The following LHFPL6 variants were observed in gnomAD, a reference collection of about 807,000 sequenced individuals.
LHFPL6 encodes the protein LHFPL tetraspan subfamily member 6 protein.
Under a neutral mutation model 20.6 loss-of-function variants are expected in LHFPL6, and 9 were observed. The ratio of observed to expected loss-of-function variants is 0.44; its 90% CI spans 0.26 to 0.76. The LOEUF (loss-of-function observed/expected upper bound fraction) is 0.76, where lower values mean the gene tolerates loss of function less well. Ranked by LOEUF, LHFPL6 falls within the 30% of genes least tolerant of loss-of-function variation. LHFPL6 has a pLI of 0.20. For synonymous variants in LHFPL6, 105 were observed against 98.7 expected (o/e 1.06, Z -0.38); for missense variants, 218 against 253.5 (o/e 0.86, Z 0.95).
At chr13:39,468,612 A>G (rs1872863174) in intron 2 of LHFPL6, among the ~76,000 whole-genome samples, 1 of 152,192 alleles carries the variant, frequency 6.6e-6, no homozygotes, top group African/African-American at 2.4e-5. Flanking sequence ...TAATGTCATG[A>G]TTTGCACTCT....
At chr13:39,565,031 C>G (rs531562956) in intron 2 of LHFPL6, among the ~76,000 whole-genome samples, 17 of 152,302 alleles carry the variant, frequency 1.1e-4, no homozygotes, top group Admixed American at 9.8e-4. Context: ...ATAAACATCT[C>G]TTCTACATTC....
intron 2 of LHFPL6, among the ~76,000 whole-genome samples, chr13:39,465,365 G>C (rs1455555604): frequency 6.6e-6 from 1 of 152,134 alleles, no homozygotes; most frequent in African/African-American, 2.4e-5. Flanking sequence ...ATATGAGTTA[G>C]AGCTAAAAAA....
chr13:39,592,106 A>AG (rs1195248357), intron 2 of LHFPL6, among the ~76,000 whole-genome samples: 4 of 152,278 alleles, frequency 2.6e-5, no homozygotes, highest in Non-Finnish European at 4.4e-5. Flanking sequence ...CAAAAAAAAA[A>AG]AAAGAATATT....
chr13:39,362,774 C>A (rs1366646044), intron 3 of LHFPL6, among the ~76,000 whole-genome samples: 4 of 152,206 alleles, frequency 2.6e-5, no homozygotes, highest in Admixed American at 6.5e-5. Context: ...CAACCATACC[C>A]AACTGAGCAA....
At chr13:39,438,355 G>A (rs1204691010) in intron 2 of LHFPL6, among the ~76,000 whole-genome samples, 1 of 152,112 alleles carries the variant, frequency 6.6e-6, no homozygotes, top group Admixed American at 6.5e-5. Context: ...AACCACCTAT[G>A]GTCATATGAG....
At chr13:39,399,243 A>G (rs1436808130) in intron 2 of LHFPL6, among the ~76,000 whole-genome samples, 1 of 152,252 alleles carries the variant, frequency 6.6e-6, no homozygotes, top group Non-Finnish European at 1.5e-5. Context: ...ATATTTCTAT[A>G]GTACTTACAG....
chr13:39,451,497 A>C lies in LHFPL6; in HGVS notation c.386-72971T>G, dbSNP rs554109997. Among the ~76,000 whole-genome samples the C allele has an allele frequency of 3.9e-5, 6 of 152,348 alleles. No homozygotes were observed. The South Asian group carries it at 1.2e-3, about 32-fold the overall frequency. On this transcript the variant is annotated intron_variant, in intron 2 of 3. Coordinates refer to ENST00000379589, the MANE Select transcript of LHFPL6 (RefSeq NM_005780.3). ...CCTATTACATAACCTAGCCAAAGAA[A>C]GAAAACTGTTTCACAAAAAGCCACT... is the stretch of plus-strand genomic sequence containing the variant.
At chr13:39,498,005 C>T (rs948779962) in intron 2 of LHFPL6, among the ~76,000 whole-genome samples, 5 of 152,178 alleles carry the variant, frequency 3.3e-5, no homozygotes, top group South Asian at 2.1e-4. Flanking sequence ...GCCTCTGCAG[C>T]GAACTATGAT....
intron 3 of LHFPL6, among the ~76,000 whole-genome samples, chr13:39,376,519 T>C (rs1051015594): frequency 6.6e-6 from 1 of 152,226 alleles, no homozygotes; most frequent in African/African-American, 2.4e-5. Context: ...GCCAGTATTA[T>C]ATTCGACGGA....
intron 3 of LHFPL6, among the ~76,000 whole-genome samples, chr13:39,352,976 T>C (rs1237372894): frequency 3.7e-4 from 49 of 131,536 alleles, no homozygotes; most frequent in East Asian, 1.2e-3. Flanking sequence ...CACACACATA[T>C]ATATATATAT....
At position 39,503,461 on chromosome 13, in the gene LHFPL6, T is replaced by C. The variant is rs1027282648; in HGVS notation, c.385+97371A>G. Among the ~76,000 whole-genome samples, 100 of 152,248 alleles carry C rather than the reference T, an allele frequency of 6.6e-4. 1 individual carries two copies. The highest frequency in any genetic ancestry group is 2.2e-3 in the African/African-American group (93 of 41,552). ...CATACTACCATAACTCCCAATCCCCTCCTGCCACTTTGTTTCTTTTTGCCA... is the reference window on the plus strand; with the variant it reads ...CATACTACCATAACTCCCAATCCCCCCCTGCCACTTTGTTTCTTTTTGCCA... On this transcript the variant is annotated intron_variant, in intron 2 of 3. Transcript: ENST00000379589.
chr13:39,503,503 T>C (rs534505768), intron 2 of LHFPL6, among the ~76,000 whole-genome samples: 1 of 152,320 alleles, frequency 6.6e-6, no homozygotes, highest in South Asian at 2.1e-4. Flanking sequence ...AATCAGCTTC[T>C]AACATACCAC....
intron 3 of LHFPL6, among the ~76,000 whole-genome samples, chr13:39,363,026 A>G (rs115219380): frequency 0.018 from 2,679 of 152,324 alleles, 77 homozygotes; most frequent in African/African-American, 0.061. Flanking sequence ...GTGGTTATAT[A>G]TTCGATGTGG....
chr13:39,550,062 A>G (rs1003471394), intron 2 of LHFPL6, among the ~76,000 whole-genome samples: 3 of 152,150 alleles, frequency 2.0e-5, no homozygotes, highest in Non-Finnish European at 4.4e-5. Flanking sequence ...TGTGAAAAAA[A>G]CTGCATGATT....
chr13:39,544,801 A>G (rs896249800), intron 2 of LHFPL6, among the ~76,000 whole-genome samples: 3 of 152,170 alleles, frequency 2.0e-5, no homozygotes, highest in African/African-American at 7.2e-5. Flanking sequence ...TACAGTACAA[A>G]AAGTTTCAAG....
At chr13:39,382,897 A>T (rs1870478561) in intron 2 of LHFPL6, among the ~76,000 whole-genome samples, 1 of 152,166 alleles carries the variant, frequency 6.6e-6, no homozygotes, top group African/African-American at 2.4e-5. Flanking sequence ...ATTTGCTAGC[A>T]GGAAAGAAAC....
intron 2 of LHFPL6, among the ~76,000 whole-genome samples, chr13:39,508,238 T>G (rs1484401101): frequency 6.6e-6 from 1 of 152,148 alleles, no homozygotes; most frequent in Non-Finnish European, 1.5e-5. Context: ...TTGGCCAGGC[T>G]GGTCTTGAAC....
At chr13:39,355,947 A>G (rs73451015) in intron 3 of LHFPL6, among the ~76,000 whole-genome samples, 12,595 of 152,260 alleles carry the variant, frequency 0.083, 637 homozygotes, top group South Asian at 0.22. Context: ...GAGGGGTTTC[A>G]AGATCCCACT....
intron 2 of LHFPL6, among the ~76,000 whole-genome samples, chr13:39,416,964 A>G (rs1871365062): frequency 1.3e-5 from 2 of 152,168 alleles, no homozygotes; most frequent in South Asian, 2.1e-4. Context: ...AAACATGAAC[A>G]TGTTTTTGTT....
Sources: gnomAD v4.1 joint callset for allele counts (sites outside exome capture counted in the v4.1 genomes callset) on GRCh38, gnomAD v4.1.1 for gene constraint, MANE v1.5 for transcripts, NCBI Gene and HGNC (gene_info 2026-07-23, HGNC 2026-07-21) for gene names.